TRABD2B: variants seen among roughly 807,000 people sequenced by gnomAD.
The protein encoded by TRABD2B is metalloprotease TIKI2.
Under a neutral mutation model 40.1 loss-of-function variants are expected in TRABD2B, and 14 were observed. The observed-to-expected ratio is 0.35, with a 90% CI of 0.23 to 0.55. The LOEUF (loss-of-function observed/expected upper bound fraction) is 0.55, where lower values mean the gene tolerates loss of function less well. TRABD2B is among the 20% of genes least tolerant of loss of function. The probability of loss-of-function intolerance (pLI) is 0.90; values close to 1 mark genes in which losing one functional copy is unlikely to be tolerated. For missense variants in TRABD2B, 541 were observed against 648.6 expected, an observed-to-expected ratio of 0.83 and a Z score of 1.80; for synonymous variants, 263 against 277.0, an observed-to-expected ratio of 0.95 and a Z score of 0.50.
Position 47,785,251 on chromosome 1 carries a change from C to T in TRABD2B, c.989-6707G>A, listed in dbSNP as rs529754193. Among the ~76,000 whole-genome samples, 7 of 152,070 alleles carry T rather than the reference C, an allele frequency of 4.6e-5. No homozygotes were observed. In the South Asian group the frequency reaches 1.2e-3, roughly 27 times the overall value. ...GAAGGGGACAGATTCAAGCTGGGAC[C>T]AAAAAACACTCTCCCAGGCAACTGT... On this transcript the variant is annotated intron_variant, in intron 4 of 6. Coordinates refer to ENST00000606738, the MANE Select transcript of TRABD2B (RefSeq NM_001194986.2).
chr1:47,911,375 A>C (rs1017395648), intron 2 of TRABD2B, among the ~76,000 whole-genome samples: 8 of 152,198 alleles, frequency 5.3e-5, no homozygotes, highest in Non-Finnish European at 8.8e-5. Context: ...TGCAAGTTAC[A>C]ACCTTTTCCC....
intron 2 of TRABD2B, among the ~76,000 whole-genome samples, chr1:47,831,393 G>T (rs1338377341): frequency 1.3e-5 from 2 of 152,180 alleles, no homozygotes; most frequent in African/African-American, 4.8e-5. Flanking sequence ...ACTCAGAGGA[G>T]CCTGGGGCTC....
At chr1:47,967,085 C>T (rs1645614371) in intron 2 of TRABD2B, among the ~76,000 whole-genome samples, 1 of 152,034 alleles carries the variant, frequency 6.6e-6, no homozygotes, top group Non-Finnish European at 1.5e-5. Context: ...TGGTTAGTGG[C>T]CTGGCCTCTG....
chr1:47,777,534 AC>A (rs1644463960), intron 5 of TRABD2B, among the ~76,000 whole-genome samples: 1 of 152,112 alleles, frequency 6.6e-6, no homozygotes, highest in African/African-American at 2.4e-5. Flanking sequence ...TCTGCAAGTG[AC>A]TTCACCTCTC....
chr1:47,960,994 G>A (rs1339838002), intron 2 of TRABD2B, among the ~76,000 whole-genome samples: 1 of 152,094 alleles, frequency 6.6e-6, no homozygotes, highest in East Asian at 1.9e-4. Context: ...AAACAGCATG[G>A]TACTGGTACC....
intron 2 of TRABD2B, among the ~76,000 whole-genome samples, chr1:47,918,042 G>C (rs1241092307): frequency 6.6e-6 from 1 of 152,226 alleles, no homozygotes; most frequent in East Asian, 1.9e-4. Flanking sequence ...CTAGCAGTCA[G>C]AGGTGCTACC....
intron 4 of TRABD2B, among the ~76,000 whole-genome samples, chr1:47,785,985 C>T (rs1644590878): frequency 6.6e-6 from 1 of 152,200 alleles, no homozygotes; most frequent in Admixed American, 6.5e-5. Flanking sequence ...CCCAGTGGCT[C>T]TACTGTCTCC....
At chr1:47,990,770 TTTATATATATATATA>T (rs1557699546) in intron 2 of TRABD2B, among the ~76,000 whole-genome samples, 1 of 35,046 alleles carries the variant, frequency 2.9e-5, no homozygotes, top group East Asian at 8.9e-4. Flanking sequence ...AAACGTTGGT[TTTATATATATATATA>T]TATATATATA....
rs189035410 is a variant in TRABD2B, at chr1:47,763,030, G to T, written c.*2872C>A. The T allele has an allele frequency of 1.5e-4, 23 of 152,330 alleles. No homozygotes were observed. The East Asian group carries it at 3.5e-3, about 23-fold the overall frequency. 9.4% of individuals were successfully genotyped at this position (152,330 alleles called of 1,614,324 possible). Reference sequence around the variant, plus strand: ...CTAAGAAGTGCACACAAATTTCTCAGAGCAACAGGAGCATTTTATGAGGCT... The same window carrying T: ...CTAAGAAGTGCACACAAATTTCTCATAGCAACAGGAGCATTTTATGAGGCT... On this transcript the variant is annotated 3_prime_UTR_variant, in exon 7 of 7. Coordinates refer to ENST00000606738, the MANE Select transcript of TRABD2B (RefSeq NM_001194986.2).
chr1:47,780,261 C>T (rs1220044604), intron 4 of TRABD2B, among the ~76,000 whole-genome samples: 1 of 152,212 alleles, frequency 6.6e-6, no homozygotes, highest in African/African-American at 2.4e-5. Context: ...AGACCTCAGG[C>T]AAGCATATTA....
At chr1:47,918,307 A>G (rs1644856191) in intron 2 of TRABD2B, among the ~76,000 whole-genome samples, 1 of 152,226 alleles carries the variant, frequency 6.6e-6, no homozygotes, top group Non-Finnish European at 1.5e-5. Context: ...CTGTGTAGCA[A>G]GTAGATGAAT....
intron 4 of TRABD2B, among the ~76,000 whole-genome samples, chr1:47,788,372 C>T (rs1053634869): frequency 6.6e-6 from 1 of 152,182 alleles, no homozygotes; most frequent in African/African-American, 2.4e-5. Context: ...ATGGGGTCTG[C>T]GGCACTCTAG....
rs1358387754 is a variant in TRABD2B, at chr1:47,760,794, T to G, written c.*5108A>C. 1 of 152,206 alleles carries G rather than the reference T, an allele frequency of 6.6e-6. No homozygotes were observed. Among genetic ancestry groups the G allele is most frequent in the East Asian group, 1.9e-4 (1 of 5,188 alleles). The allele number at this position is 152,206 out of a possible 1,614,324, so 9.4% of individuals were successfully genotyped here. ...ATGGGGCAGGGGCTCTGGCTTCCTC[T>G]GTTCTGGGCTAGAGCCTCCTTTGGC... On this transcript the variant is annotated 3_prime_UTR_variant, in exon 7 of 7. Transcript: ENST00000606738.
At chr1:47,881,761 T>C (rs1255723726) in intron 2 of TRABD2B, among the ~76,000 whole-genome samples, 5 of 152,220 alleles carry the variant, frequency 3.3e-5, no homozygotes, top group Admixed American at 1.3e-4. Context: ...TTTTTCACTA[T>C]GTGCTCATAG....
intron 2 of TRABD2B, among the ~76,000 whole-genome samples, chr1:47,840,801 TAAG>T (rs1210630475): frequency 1.3e-5 from 2 of 152,138 alleles, no homozygotes; most frequent in African/African-American, 4.8e-5. Context: ...TCTCAAGGAT[TAAG>T]AAAAAGAGAA....
intron 2 of TRABD2B, among the ~76,000 whole-genome samples, chr1:47,851,017 G>A (rs1415720941): frequency 4.6e-5 from 7 of 151,644 alleles, no homozygotes; most frequent in African/African-American, 7.3e-5. Context: ...CGGAGCTCAG[G>A]TGGTAATGCT....
At chr1:47,935,989 T>C (rs865964496) in intron 2 of TRABD2B, among the ~76,000 whole-genome samples, 51 of 152,326 alleles carry the variant, frequency 3.3e-4, no homozygotes, top group African/African-American at 1.0e-3. Context: ...AATGTAAAAA[T>C]AGAGCTAAGA....
At position 47,988,434 on chromosome 1, in the gene TRABD2B, A is replaced by C. The variant is rs995932045; in HGVS notation, c.666+5600T>G. Among the ~76,000 whole-genome samples, 3 of 152,290 alleles carry C rather than the reference A, an allele frequency of 2.0e-5. No homozygotes were observed. In the South Asian group the frequency reaches 6.2e-4, roughly 32 times the overall value. On this transcript the variant is annotated intron_variant, in intron 2 of 6. Coordinates refer to ENST00000606738, the MANE Select transcript of TRABD2B (RefSeq NM_001194986.2). ...CCCAGACCCTTCACTGGCACAACAC[A>C]GTGAGGTGCTCTGGTTGAATGAGTG...
chr1:47,797,991 A>T (rs1644770926), intron 3 of TRABD2B, among the ~76,000 whole-genome samples: 1 of 151,624 alleles, frequency 6.6e-6, no homozygotes, highest in South Asian at 2.1e-4. Context: ...ACCTATCTAA[A>T]CTCTGCACCC....
Sources: allele counts gnomAD v4.1 joint callset (sites outside exome capture counted in the v4.1 genomes callset), GRCh38; gene constraint gnomAD v4.1.1; transcripts MANE v1.5; gene names NCBI Gene and HGNC (gene_info 2026-07-23, HGNC 2026-07-21).